TANC1: variants seen among roughly 807,000 people sequenced by gnomAD.
TANC1 encodes the protein tetratricopeptide repeat, ankyrin repeat and coiled-coil containing 1.
A neutral mutation model predicts 149.7 loss-of-function variants in TANC1; 77 were observed. The ratio of observed to expected loss-of-function variants is 0.51; its 90% CI spans 0.43 to 0.62. TANC1 has a LOEUF of 0.62. Among genes scored for constraint, TANC1 ranks in the 20% least tolerant of loss-of-function variants. TANC1 has a pLI of 0.00. For synonymous variants in TANC1, 854 were observed against 925.0 expected (o/e 0.92, Z 1.39); for missense variants, 1,985 against 2,321.8 (o/e 0.85, Z 2.98).
At chr2:159,107,402 G>A (rs1282402231) in intron 4 of TANC1, among the ~76,000 whole-genome samples, 1 of 152,148 alleles carries the variant, frequency 6.6e-6, no homozygotes, top group Non-Finnish European at 1.5e-5. Flanking sequence ...TCTTTTTGAT[G>A]TCATGTCCTA....
intron 3 of TANC1, among the ~76,000 whole-genome samples, chr2:159,081,275 A>G (rs1049710400): frequency 1.5e-4 from 23 of 152,116 alleles, no homozygotes; most frequent in African/African-American, 5.6e-4. Flanking sequence ...CCCTCATGTA[A>G]TGGTGGTTTC....
intron 7 of TANC1, among the ~76,000 whole-genome samples, chr2:159,156,138 C>T (rs577266614): frequency 1.4e-4 from 21 of 152,302 alleles, no homozygotes; most frequent in African/African-American, 4.8e-4. Flanking sequence ...TTTGTTGCCA[C>T]CTGTATCGCC....
intron 4 of TANC1, among the ~76,000 whole-genome samples, chr2:159,101,001 T>C (rs903314986): frequency 6.6e-6 from 1 of 152,114 alleles, no homozygotes; most frequent in African/African-American, 2.4e-5. Context: ...CACCCAGAGG[T>C]ATGGAGCCAC....
At chr2:159,200,511 A>T (rs1368189132) in intron 19 of TANC1, among the ~76,000 whole-genome samples, 1 of 152,196 alleles carries the variant, frequency 6.6e-6, no homozygotes, top group East Asian at 1.9e-4. Flanking sequence ...AATATTCAAG[A>T]TGACTTTTTT....
intron 1 of TANC1, among the ~76,000 whole-genome samples, chr2:158,992,284 A>C (rs906977291): frequency 1.3e-5 from 2 of 151,462 alleles, no homozygotes; most frequent in Non-Finnish European, 2.9e-5. Context: ...GGATCGCTTG[A>C]GCCCAGGGAG....
intron 19 of TANC1, among the ~76,000 whole-genome samples, chr2:159,211,303 A>G (rs918874407): frequency 2.0e-5 from 3 of 152,246 alleles, no homozygotes; most frequent in African/African-American, 2.4e-5. Flanking sequence ...GGATTTTACA[A>G]CTAGAAGAAA....
chr2:159,226,135 A>C (rs1575375127), intron 24 of TANC1: 1 of 280,118 alleles, frequency 3.6e-6, no homozygotes, highest in Non-Finnish European at 6.8e-6. Flanking sequence ...GCACCACTGC[A>C]CTCCAGCCTC....
At chr2:159,133,921 T>C (rs1043191586) in intron 4 of TANC1, among the ~76,000 whole-genome samples, 2 of 152,272 alleles carry the variant, frequency 1.3e-5, no homozygotes, top group Non-Finnish European at 2.9e-5. Context: ...TACACCCATG[T>C]AGCTGGCTAG....
chr2:159,045,814 T>C (rs1156960529), intron 2 of TANC1, among the ~76,000 whole-genome samples: 1 of 152,202 alleles, frequency 6.6e-6, no homozygotes, highest in East Asian at 1.9e-4. Context: ...GTAAAACTAT[T>C]TTATAATTTT....
At chr2:159,213,115 G>T (rs1433112604) in intron 19 of TANC1, among the ~76,000 whole-genome samples, 2 of 152,074 alleles carry the variant, frequency 1.3e-5, no homozygotes, top group Non-Finnish European at 2.9e-5. Context: ...CATGAATTTT[G>T]TCTTACAAGA....
At chr2:159,210,316 C>T (rs553341222) in intron 19 of TANC1, among the ~76,000 whole-genome samples, 40 of 152,276 alleles carry the variant, frequency 2.6e-4, no homozygotes, top group African/African-American at 8.9e-4. Context: ...GTAAGCCAAG[C>T]GATCCTGAGC....
rs563633523 is a variant in TANC1 at position 159,209,989 on chromosome 2, A to T, written c.3245-7508A>T. On this transcript the variant is annotated intron_variant, in intron 19 of 26. Coordinates refer to ENST00000263635, the MANE Select transcript of TANC1 (RefSeq NM_033394.3). ...CAGGATAATAGGAAGTAAATTGCAC[A>T]TGTGAATACAAGCAAGTAAATTGCA... Among the ~76,000 whole-genome samples, 8 of 152,270 alleles carry T rather than the reference A, an allele frequency of 5.3e-5. No homozygotes were observed. The South Asian group carries it at 1.7e-3, about 32-fold the overall frequency.
chr2:159,024,195 T>C (rs1253636492), intron 2 of TANC1, among the ~76,000 whole-genome samples: 1 of 152,190 alleles, frequency 6.6e-6, no homozygotes, highest in African/African-American at 2.4e-5. Context: ...ATGGCATGTG[T>C]ATGCAATGGC....
intron 4 of TANC1, among the ~76,000 whole-genome samples, chr2:159,099,655 A>AACGC (rs2046475835): frequency 6.6e-6 from 1 of 151,968 alleles, no homozygotes; most frequent in Non-Finnish European, 1.5e-5. Flanking sequence ...GTTTAGCAAG[A>AACGC]ACGCCTCCCC....
chr2:159,068,006 C>T (rs372886557), intron 3 of TANC1, among the ~76,000 whole-genome samples: 2 of 152,318 alleles, frequency 1.3e-5, no homozygotes, highest in East Asian at 1.9e-4. Flanking sequence ...AATTTCCACA[C>T]TGGCTTTTTC....
intron 19 of TANC1, among the ~76,000 whole-genome samples, chr2:159,200,842 C>T (rs1383666671): frequency 6.6e-6 from 1 of 152,188 alleles, no homozygotes; most frequent in Non-Finnish European, 1.5e-5. Flanking sequence ...GAATTCATCT[C>T]CTTGTAGTTG....
Position 159,231,261 on chromosome 2 carries a change from T to A in TANC1, c.*249T>A. On this transcript the variant is annotated 3_prime_UTR_variant, in exon 27 of 27. Transcript: ENST00000263635. ...AATTTTAAGACAGCCCAGAAGACAT[T>A]AATGACTCTCACTTATGAAATTGTT... The A allele has an allele frequency of 2.7e-6, 1 of 369,662 alleles. No homozygotes were observed. Among genetic ancestry groups the A allele is most frequent in the Non-Finnish European group, 4.9e-6 (1 of 205,688 alleles). 22.9% of individuals were successfully genotyped at this position (369,662 alleles called of 1,614,324 possible). A position where few individuals can be genotyped will look rare whatever the true frequency, so the allele number is the denominator to read the frequency against.
intron 25 of TANC1, 133 bp downstream of exon 25, chr2:159,228,098 G>A (rs2060126065): frequency 1.0e-6 from 1 of 960,314 alleles, no homozygotes. Flanking sequence ...CATGAACCTG[G>A]CATGTGGGAA....
chr2:159,150,248 A>G (rs774788831), intron 6 of TANC1, 122 bp from the exon 7 acceptor site: 104 of 697,310 alleles, frequency 1.5e-4, no homozygotes, highest in Non-Finnish European at 2.3e-4. Flanking sequence ...ATCTCTTTAG[A>G]TTTTTTTTTT....
Sources: allele counts gnomAD v4.1 joint callset (sites outside exome capture counted in the v4.1 genomes callset), GRCh38; gene constraint gnomAD v4.1.1; transcripts MANE v1.5; gene names NCBI Gene and HGNC (gene_info 2026-07-23, HGNC 2026-07-21).